FANCC: variants seen among roughly 807,000 people sequenced by gnomAD.
FANCC encodes the protein FA complementation group C, also known as Fanconi anemia group C protein.
FANCC carries 55 observed loss-of-function variants against 71.3 expected under a neutral mutation model. The ratio of observed to expected loss-of-function variants is 0.77; its 90% CI spans 0.62 to 0.97. The LOEUF (loss-of-function observed/expected upper bound fraction) is 0.97, where lower values mean the gene tolerates loss of function less well. Ranked by LOEUF, FANCC falls within the 50% of genes least tolerant of loss-of-function variation. The probability of loss-of-function intolerance (pLI) is 0.00; values close to 1 mark genes in which losing one functional copy is unlikely to be tolerated. For missense variants in FANCC, 678 were observed against 670.9 expected (o/e 1.01, Z -0.12); for synonymous variants, 275 against 244.9 (o/e 1.12, Z -1.15).
At chr9:95,124,374 G>T (rs888799846) in intron 10 of FANCC, among the ~76,000 whole-genome samples, 3 of 152,162 alleles carry the variant, frequency 2.0e-5, no homozygotes, top group Admixed American at 2.0e-4. Context: ...AAAGGTGAAA[G>T]CTCGCTGGTA....
At chr9:95,244,660 C>CAG (rs1377110004) in intron 3 of FANCC, among the ~76,000 whole-genome samples, 1 of 96,550 alleles carries the variant, frequency 1.0e-5, no homozygotes, top group Non-Finnish European at 1.8e-5. Context: ...GCCTAGGCAA[C>CAG]AGAGCAAGAC....
At chr9:95,173,312 C>T (rs544660929) in intron 4 of FANCC, among the ~76,000 whole-genome samples, 2 of 152,248 alleles carry the variant, frequency 1.3e-5, no homozygotes, top group Admixed American at 6.5e-5. Context: ...CAGCCCGGAA[C>T]CCATCATGAA....
At position 95,210,497 on chromosome 9, in the gene FANCC, T is replaced by A. The variant is rs182232638; in HGVS notation, c.345+30152A>T. On this transcript the variant is annotated intron_variant, in intron 4 of 14. Transcript: ENST00000289081. ...ATTAACATTTTTTGAGCACATAACA[T>A]CAGGCATTGTTCTAAAAGCTTTACA... 6.0e-3 allele frequency among the ~76,000 whole-genome samples: 910 copies of A among 152,238 alleles called. 4 individuals carry two copies. The highest frequency in any genetic ancestry group is 0.01 in the Non-Finnish European group (704 of 68,002).
chr9:95,245,327 T>C (rs1830896267), intron 3 of FANCC, among the ~76,000 whole-genome samples: 1 of 152,028 alleles, frequency 6.6e-6, no homozygotes, highest in African/African-American at 2.4e-5. Flanking sequence ...ATAGTGAACA[T>C]GGACTGCACA....
chr9:95,206,193 A>C (rs888548381), intron 4 of FANCC, among the ~76,000 whole-genome samples: 1 of 152,198 alleles, frequency 6.6e-6, no homozygotes, highest in African/African-American at 2.4e-5. Flanking sequence ...AGGAAGGAGA[A>C]AGGAAAAGCA....
chr9:95,107,167 C>G lies in FANCC; in HGVS notation c.1432G>C (p.Asp478His). The G allele has an allele frequency of 6.2e-7, 1 of 1,614,210 alleles. No homozygotes were observed. The highest frequency in any genetic ancestry group is 8.5e-7 in the Non-Finnish European group (1 of 1,180,038). Residue 478 changes from aspartate to histidine, a missense_variant, in exon 14 of 15, where the codon GAC (aspartate) becomes CAC (histidine). Coordinates refer to ENST00000289081, the MANE Select transcript of FANCC (RefSeq NM_000136.3). The part of the protein sequence containing the change: ...QTVAGQGTDT[D>H]LRAPAQQLIR... ...AGCTGTTGTGCAGGAGCTCTGAGGT[C>G]TGTGTCTGTGCCCTGTCCTGCTACC...
At position 95,255,388 on chromosome 9, in the gene FANCC, A is replaced by G. The variant is rs1588366884; in HGVS notation, c.-78-6019T>C. Among the ~76,000 whole-genome samples, 3 of 152,118 alleles carry G rather than the reference A, an allele frequency of 2.0e-5. No homozygotes were observed. In the South Asian group the frequency reaches 6.2e-4, roughly 32 times the overall value. ...AGGCAGCAATATCTGCTGTTCTGAA[A>G]CCTCCACTGGTGATACCCAGGCAAA... On this transcript the variant is annotated intron_variant, in intron 1 of 14. Coordinates refer to ENST00000289081, the MANE Select transcript of FANCC (RefSeq NM_000136.3).
intron 1 of FANCC, among the ~76,000 whole-genome samples, chr9:95,284,860 T>A (rs1231801980): frequency 9.5e-5 from 12 of 125,666 alleles, no homozygotes; most frequent in East Asian, 5.5e-4. Context: ...CTCCTCTCTC[T>A]CACACACACA....
At chr9:95,198,680 C>A (rs187885780) in intron 4 of FANCC, among the ~76,000 whole-genome samples, 1 of 152,294 alleles carries the variant, frequency 6.6e-6, no homozygotes, top group African/African-American at 2.4e-5. Flanking sequence ...CTCCCAGTCT[C>A]ATAAGACCCA....
At chr9:95,228,471 C>T (rs1217782034) in intron 4 of FANCC, among the ~76,000 whole-genome samples, 1 of 152,200 alleles carries the variant, frequency 6.6e-6, no homozygotes, top group African/African-American at 2.4e-5. Flanking sequence ...CCACATTTTG[C>T]CACAAAAATT....
At chr9:95,189,187 CAAT>C (rs1691492882) in intron 4 of FANCC, among the ~76,000 whole-genome samples, 1 of 151,662 alleles carries the variant, frequency 6.6e-6, no homozygotes, top group South Asian at 2.1e-4. Context: ...ATCCTGCCTT[CAAT>C]GTTTTTTTTT....
chr9:95,163,827 C>T (rs1211902939), intron 6 of FANCC, among the ~76,000 whole-genome samples: 1 of 152,184 alleles, frequency 6.6e-6, no homozygotes, highest in Non-Finnish European at 1.5e-5. Context: ...CCAGCCTGGG[C>T]AACAAGAGCG....
intron 1 of FANCC, among the ~76,000 whole-genome samples, chr9:95,280,861 A>T (rs554738527): frequency 2.8e-4 from 42 of 152,346 alleles, no homozygotes; most frequent in Middle Eastern, 6.8e-3. Flanking sequence ...GATTGAAATA[A>T]TTTTTTAAAA....
intron 4 of FANCC, among the ~76,000 whole-genome samples, chr9:95,192,708 G>C (rs766307766): frequency 1.3e-5 from 2 of 152,138 alleles, no homozygotes; most frequent in Non-Finnish European, 2.9e-5. Context: ...AGACATAAAG[G>C]TATAGTCAAA....
At chr9:95,297,508 G>T (rs1255299631) in intron 1 of FANCC, among the ~76,000 whole-genome samples, 1 of 152,134 alleles carries the variant, frequency 6.6e-6, no homozygotes, top group Non-Finnish European at 1.5e-5. Context: ...GCATGTCTGG[G>T]CAACTGCTTC....
chr9:95,139,662 C>T (rs1266728664), intron 7 of FANCC, among the ~76,000 whole-genome samples: 2 of 151,614 alleles, frequency 1.3e-5, no homozygotes, highest in Non-Finnish European at 2.9e-5. Flanking sequence ...TGGTGTAATG[C>T]TGCTTTTGTT....
At chr9:95,161,106 A>G (rs1830720887) in intron 6 of FANCC, among the ~76,000 whole-genome samples, 1 of 152,196 alleles carries the variant, frequency 6.6e-6, no homozygotes, top group Non-Finnish European at 1.5e-5. Context: ...AAAGCTTGCC[A>G]AGAGAGGACT....
intron 1 of FANCC, chr9:95,292,361 G>A (rs888532229): frequency 2.0e-6 from 2 of 979,778 alleles, no homozygotes; most frequent in South Asian, 4.8e-5. Flanking sequence ...AGGCGGTGGC[G>A]GCGGCGGGGT....
chr9:95,316,684 C>T (rs939220434), intron 1 of FANCC: 5 of 152,218 alleles, frequency 3.3e-5, no homozygotes, highest in Non-Finnish European at 5.9e-5. Flanking sequence ...GGTCTCTTCC[C>T]TTAAGATTCT....
Sources: gnomAD v4.1 joint callset for allele counts (sites outside exome capture counted in the v4.1 genomes callset) on GRCh38, gnomAD v4.1.1 for gene constraint, MANE v1.5 for transcripts, NCBI Gene and HGNC (gene_info 2026-07-23, HGNC 2026-07-21) for gene names.